ATXN8OS: variants seen among roughly 807,000 people sequenced by gnomAD.
ATXN8OS encodes ATXN8 opposite strand (non-protein coding).
chr13:70,125,839 T>C (rs1403347970), intron 2 of ATXN8OS, among the ~76,000 whole-genome samples: 1 of 152,148 alleles, frequency 6.6e-6, no homozygotes, highest in Non-Finnish European at 1.5e-5. Context: ...ACATTCCTCC[T>C]AGACTTTACA....
At chr13:70,163,346 G>T (rs1889033176) in intron 4 of ATXN8OS, among the ~76,000 whole-genome samples, 1 of 151,828 alleles carries the variant, frequency 6.6e-6, no homozygotes, top group East Asian at 1.9e-4. Context: ...CTAAGTCCAG[G>T]ATCTTAATTA....
At chr13:70,131,230 A>G (rs1888529055) in intron 3 of ATXN8OS, 1 of 351,748 alleles carries the variant, frequency 2.8e-6, no homozygotes. Context: ...CATCCTAAAT[A>G]TTTGTACAAT....
rs370178251 is a variant in ATXN8OS at position 70,165,107 on chromosome 13, C to T, written n.574-4646C>T. ...CTACAGTGGCTTAAGAAAGAAATTA[C>T]ACAAAACTAGTAAGATCAATTTTGA... On this transcript the variant is annotated intron_variant and non_coding_transcript_variant, in intron 4 of 4. Coordinates refer to ENST00000678624, the Ensembl canonical transcript of ATXN8OS. Among the ~76,000 whole-genome samples the T allele has an allele frequency of 3.3e-5, 5 of 151,914 alleles. 1 individual carries two copies. The highest frequency in any genetic ancestry group is 1.2e-4 in the African/African-American group (5 of 41,516).
intron 2 of ATXN8OS, among the ~76,000 whole-genome samples, chr13:70,122,756 G>A (rs907769839): frequency 6.6e-6 from 1 of 151,932 alleles, no homozygotes; most frequent in African/African-American, 2.4e-5. Context: ...AAGGGTTCAA[G>A]GAAATGACTC....
At chr13:70,107,496 GA>G, upstream of ATXN8OS, 3 of 1,611,038 alleles carry the variant, frequency 1.9e-6, no homozygotes, top group Non-Finnish European at 2.5e-6. Flanking sequence ...GCTTCTTCCA[GA>G]AAGTGCTCAC....
At chr13:70,171,159 C>T (rs974196666) in exon 5 of ATXN8OS, among the ~76,000 whole-genome samples, 1 of 151,982 alleles carries the variant, frequency 6.6e-6, no homozygotes, top group African/African-American at 2.4e-5. Flanking sequence ...TAGAGAAAAT[C>T]GAAGTGAGGT....
chr13:70,132,307 AT>A (rs11301182), intron 3 of ATXN8OS, among the ~76,000 whole-genome samples: 55,775 of 142,058 alleles, frequency 0.39, 10,784 homozygotes, highest in Middle Eastern at 0.51. Flanking sequence ...CAAAATTATG[AT>A]TTTTTTTTTT....
intron 4 of ATXN8OS, among the ~76,000 whole-genome samples, chr13:70,168,761 T>G (rs1345331517): frequency 1.3e-5 from 2 of 152,158 alleles, no homozygotes; most frequent in African/African-American, 4.8e-5. Flanking sequence ...TGTATATATA[T>G]TTTCTTTCAC....
At chr13:70,152,581 T>G (rs1457820309) in intron 4 of ATXN8OS, among the ~76,000 whole-genome samples, 1 of 152,010 alleles carries the variant, frequency 6.6e-6, no homozygotes, top group Non-Finnish European at 1.5e-5. Context: ...TTTTTTCACT[T>G]AATTCATCAT....
At chr13:70,167,686 A>T (rs182439616) in intron 4 of ATXN8OS, among the ~76,000 whole-genome samples, 294 of 151,430 alleles carry the variant, frequency 1.9e-3, no homozygotes, top group African/African-American at 6.6e-3. Context: ...AAGAAAATTC[A>T]GAAAGAGCGA....
chr13:70,135,001 C>T (rs1277517999), intron 3 of ATXN8OS, among the ~76,000 whole-genome samples: 2 of 152,148 alleles, frequency 1.3e-5, no homozygotes, highest in East Asian at 1.9e-4. Context: ...GCCCAGTGCC[C>T]ATTCCTATTC....
chr13:70,142,092 C>A (rs550033541), intron 3 of ATXN8OS, among the ~76,000 whole-genome samples: 1 of 152,212 alleles, frequency 6.6e-6, no homozygotes, highest in East Asian at 1.9e-4. Context: ...CCATGTTGAC[C>A]AGGCTGGTCT....
chr13:70,160,841 A>G (rs1244933087), intron 4 of ATXN8OS, among the ~76,000 whole-genome samples: 1 of 143,272 alleles, frequency 7.0e-6, no homozygotes, highest in Non-Finnish European at 1.5e-5. Flanking sequence ...ATATATATAA[A>G]TATATTTATA....
chr13:70,129,597 C>T lies in ATXN8OS; in HGVS notation n.399-187C>T, dbSNP rs151022654. ...TACCTAACTTTTAAAAAGTCCTTTA[C>T]GTGAACCTATAATTATATGTATTTT... On this transcript the variant is annotated intron_variant and non_coding_transcript_variant, in intron 2 of 4. Transcript: ENST00000678624. 1.6e-4 allele frequency among the ~76,000 whole-genome samples: 24 copies of T among 152,216 alleles called. 1 individual carries two copies. Among genetic ancestry groups the T allele is most frequent in the African/African-American group, 3.9e-4 (16 of 41,534 alleles).
At chr13:70,151,780 C>A (rs1019010930) in intron 4 of ATXN8OS, among the ~76,000 whole-genome samples, 1 of 151,898 alleles carries the variant, frequency 6.6e-6, no homozygotes, top group African/African-American at 2.4e-5. Context: ...AGAAGTCATC[C>A]GTAATAACTC....
intron 2 of ATXN8OS, among the ~76,000 whole-genome samples, chr13:70,116,610 C>A (rs1888282500): frequency 6.6e-6 from 1 of 152,054 alleles, no homozygotes; most frequent in African/African-American, 2.4e-5. Flanking sequence ...AGCCAGTGCA[C>A]AAATATTAGT....
chr13:70,126,971 A>T (rs540194503), intron 2 of ATXN8OS, among the ~76,000 whole-genome samples: 3 of 151,836 alleles, frequency 2.0e-5, no homozygotes, highest in Non-Finnish European at 4.4e-5. Context: ...CTATCTATAG[A>T]TACATATATC....
At chr13:70,163,686 T>G (rs1453517830) in intron 4 of ATXN8OS, among the ~76,000 whole-genome samples, 2 of 152,024 alleles carry the variant, frequency 1.3e-5, no homozygotes, top group Non-Finnish European at 2.9e-5. Flanking sequence ...TATCTCAATT[T>G]GTAGAGATTT....
intron 4 of ATXN8OS, among the ~76,000 whole-genome samples, chr13:70,153,766 A>C (rs1268615505): frequency 1.3e-5 from 2 of 151,914 alleles, no homozygotes; most frequent in Non-Finnish European, 2.9e-5. Context: ...TGCAGCCTTG[A>C]CTTCCCAGGC....
Sources: gnomAD v4.1 joint callset for allele counts (sites outside exome capture counted in the v4.1 genomes callset) on GRCh38, gnomAD v4.1.1 for gene constraint, MANE v1.5 for transcripts, NCBI Gene and HGNC (gene_info 2026-07-23, HGNC 2026-07-21) for gene names.